Variants in CNGB1 observed in about 807,000 individuals in gnomAD.
CNGB1 encodes the protein cyclic nucleotide-gated channel beta-1.
CNGB1 carries 126 observed loss-of-function variants against 151.7 expected under a neutral mutation model. The ratio of observed to expected loss-of-function variants is 0.83; its 90% CI spans 0.72 to 0.96. The LOEUF (loss-of-function observed/expected upper bound fraction) is 0.96. CNGB1 is among the 40% of genes least tolerant of loss of function. CNGB1 has a pLI of 0.00. For missense variants in CNGB1, 1,698 were observed against 1,627.0 expected (o/e 1.04, Z -0.75); for synonymous variants, 623 against 635.1 (o/e 0.98, Z 0.29).
chr16:57,921,137 C>T (rs1193014477), intron 18 of CNGB1, among the ~76,000 whole-genome samples: 13 of 139,680 alleles, frequency 9.3e-5, no homozygotes, highest in African/African-American at 3.4e-4. Flanking sequence ...TTTTTTTTTT[C>T]ATACATTAGG....
At chr16:57,952,213 C>A (rs964212791) in intron 12 of CNGB1, among the ~76,000 whole-genome samples, 2 of 152,210 alleles carry the variant, frequency 1.3e-5, no homozygotes, top group Non-Finnish European at 2.9e-5. Flanking sequence ...TACTTTCCCC[C>A]TTTTAAAGAG....
At chr16:57,902,759 G>A (rs534741618) in intron 27 of CNGB1, among the ~76,000 whole-genome samples, 8 of 151,156 alleles carry the variant, frequency 5.3e-5, no homozygotes, top group African/African-American at 1.5e-4. Context: ...TCACAGGGAC[G>A]CACCAACATG....
chr16:57,961,191 T>G (rs1172940027), intron 7 of CNGB1, among the ~76,000 whole-genome samples: 1 of 152,238 alleles, frequency 6.6e-6, no homozygotes, highest in Non-Finnish European at 1.5e-5. Flanking sequence ...AGGACCTGAA[T>G]GCAGCCCTGG....
At chr16:57,919,933 A>T (rs1960981381) in intron 19 of CNGB1, among the ~76,000 whole-genome samples, 1 of 152,206 alleles carries the variant, frequency 6.6e-6, no homozygotes, top group Non-Finnish European at 1.5e-5. Flanking sequence ...ACAAGAGATC[A>T]TGTGTCTTAT....
Position 57,884,368 on chromosome 16 carries a change from G to A in CNGB1, c.3552C>T (p.Pro1184=), listed in dbSNP as rs547549398. 6.2e-7 allele frequency: 1 copy of A among 1,611,548 alleles called. No homozygotes were observed. Among genetic ancestry groups the A allele is most frequent in the South Asian group, 1.1e-5 (1 of 91,016 alleles). Residue 1184 remains proline, a synonymous_variant, in exon 33 of 33, where the codon CCC becomes CCT. Transcript: ENST00000251102. ...GGGGCTCGGGGGGCGTCCGGGGCGC[G>A]GGTGGGTCGGTGGCGGCCTCCTTTG... ...THPKEAATDP[P]APRTPPEPPG...
At chr16:57,885,557 C>CCATTCT (rs1959897248) in intron 32 of CNGB1, among the ~76,000 whole-genome samples, 1 of 97,622 alleles carries the variant, frequency 1.0e-5, no homozygotes, top group Non-Finnish European at 2.1e-5. Flanking sequence ...TTCCTTCCTT[C>CCATTCT]CTCTCTCTCT....
At chr16:57,939,635 C>T in intron 15 of CNGB1, 43 bp from the exon 16 acceptor site, 1 of 1,613,456 alleles carries the variant, frequency 6.2e-7, no homozygotes, top group Middle Eastern at 1.6e-4. Flanking sequence ...ACCATCAGCC[C>T]CCAGCCCTAG....
In CNGB1 at chr16:57,919,139, C is replaced by T. The variant is rs183443649; in HGVS notation, c.1917G>A (p.Trp639Ter). 1.9e-6 allele frequency: 3 copies of T among 1,614,190 alleles called. No homozygotes were observed. The highest frequency in any genetic ancestry group is 4.5e-5 in the East Asian group (2 of 44,880). ...TGCTCTGGGGAAACTGGTACTTCTT[C>T]CAGGGGCGGTGTTTGAACTTGCAGC... The part of the protein sequence containing the change: ...MLCCKFKHRP[W>*]KKYQFPQSID... Residue 639 changes from tryptophan (W) to a stop codon, truncating the protein, a stop_gained, in exon 20 of 33, where the codon TGG becomes TGA. Coordinates refer to ENST00000251102, the MANE Select transcript of CNGB1 (RefSeq NM_001297.5). LOFTEE classifies it high-confidence loss of function.
At chr16:57,896,166 T>C (rs1184501528) in intron 31 of CNGB1, among the ~76,000 whole-genome samples, 3 of 152,170 alleles carry the variant, frequency 2.0e-5, no homozygotes, top group African/African-American at 7.2e-5. Context: ...GATATCCTCA[T>C]AGTCTGAAGG....
chr16:57,896,752 AT>A (rs1259501209), intron 31 of CNGB1, among the ~76,000 whole-genome samples: 12 of 150,316 alleles, frequency 8.0e-5, no homozygotes, highest in Non-Finnish European at 1.3e-4. Context: ...AAATAAATAA[AT>A]AAATAAATAA....
At chr16:57,967,429 C>T (rs1962428577) in intron 1 of CNGB1, 135 bp from the exon 2 acceptor site, 1 of 875,476 alleles carries the variant, frequency 1.1e-6, no homozygotes, top group East Asian at 2.7e-5. Flanking sequence ...TGCGGTGGCT[C>T]ACACCTGTAA....
rs770908387 is a variant in CNGB1, at chr16:57,911,893, C to T, written c.2370-18G>A. On this transcript the variant is annotated intron_variant, in intron 24 of 32. Transcript: ENST00000251102. ...TGATGACCCTGCAGAAGGAACACAG[C>T]GCATGAACACAGCGGCGGAAGGGGG... 2.7e-5 allele frequency: 44 copies of T among 1,612,298 alleles called. No individual in the cohort carries two copies. The highest frequency in any genetic ancestry group is 1.6e-4 in the Middle Eastern group (1 of 6,066).
At chr16:57,891,025 G>C (rs114518294) in intron 31 of CNGB1, among the ~76,000 whole-genome samples, 4 of 152,210 alleles carry the variant, frequency 2.6e-5, no homozygotes, top group Admixed American at 6.5e-5. Context: ...AGGAATGGGG[G>C]CCTCTGCACA....
intron 12 of CNGB1, chr16:57,955,311 C>T (rs1343907559): frequency 4.5e-6 from 7 of 1,551,782 alleles, no homozygotes; most frequent in Non-Finnish European, 5.2e-6. Flanking sequence ...ATGTGTCCAT[C>T]TGAGCTCTCC....
chr16:57,941,797 G>C (rs1961675466), intron 14 of CNGB1, among the ~76,000 whole-genome samples: 1 of 152,052 alleles, frequency 6.6e-6, no homozygotes, highest in African/African-American at 2.4e-5. Flanking sequence ...AACAAGACAA[G>C]CATACCCACC....
At chr16:57,944,492 A>G (rs1202830984) in intron 14 of CNGB1, among the ~76,000 whole-genome samples, 1 of 152,190 alleles carries the variant, frequency 6.6e-6, no homozygotes, top group Non-Finnish European at 1.5e-5. Flanking sequence ...GTTAATAGCA[A>G]TGTATTTGTA....
Position 57,959,897 on chromosome 16 carries a change from T to A in CNGB1, c.752A>T (p.Asp251Val), listed in dbSNP as rs370285136. The A allele has an allele frequency of 3.0e-5, 47 of 1,543,696 alleles. No homozygotes were observed. The highest frequency in any genetic ancestry group is 3.8e-5 in the Non-Finnish European group (44 of 1,144,100). ...ATTGAGGGTGGCTCACCTGGCAGGG[T>A]CCCTGGTTGGTGGCAGGGAGGAGGT... is the stretch of plus-strand genomic sequence containing the variant. ...AQTSSLPPTRDPARLVAWVLH... is the reference protein window; with the variant it reads ...AQTSSLPPTRVPARLVAWVLH... The change falls in exon 10 of 33, where the codon GAC becomes GTC. Residue 251 changes from aspartate to valine, a missense_variant. Coordinates refer to ENST00000251102, the MANE Select transcript of CNGB1 (RefSeq NM_001297.5).
At chr16:57,886,786 T>C (rs1326077526) in intron 32 of CNGB1, among the ~76,000 whole-genome samples, 1 of 152,220 alleles carries the variant, frequency 6.6e-6, no homozygotes, top group Non-Finnish European at 1.5e-5. Flanking sequence ...CAGAAAAAAG[T>C]CCCAGAACTA....
chr16:57,942,768 T>A (rs1206264312), intron 14 of CNGB1, among the ~76,000 whole-genome samples: 4 of 150,090 alleles, frequency 2.7e-5, no homozygotes, highest in Non-Finnish European at 5.9e-5. Flanking sequence ...AAGGCTGAGG[T>A]GGGAGGATTG....
Sources: gnomAD v4.1 joint callset for allele counts (sites outside exome capture counted in the v4.1 genomes callset) on GRCh38, gnomAD v4.1.1 for gene constraint, MANE v1.5 for transcripts, NCBI Gene and HGNC (gene_info 2026-07-23, HGNC 2026-07-21) for gene names.